Variants in ATXN7L1 observed in about 807,000 individuals in gnomAD.
The protein encoded by ATXN7L1 is ataxin 7 like 1.
In ATXN7L1, 15 loss-of-function variants were observed where a neutral mutation model predicts 70.8. The observed-to-expected ratio is 0.21, with a 90% CI of 0.14 to 0.33. The LOEUF (loss-of-function observed/expected upper bound fraction) is 0.33. Ranked by LOEUF, ATXN7L1 falls within the 10% of genes least tolerant of loss-of-function variation. The pLI, the probability that ATXN7L1 is intolerant of heterozygous loss-of-function variation, is 1.00. For missense variants in ATXN7L1, 975 were observed against 1,097.1 expected (o/e 0.89, Z 1.57); for synonymous variants, 440 against 445.1 (o/e 0.99, Z 0.14).
intron 7 of ATXN7L1, among the ~76,000 whole-genome samples, chr7:105,627,675 G>A (rs892119105): frequency 2.0e-5 from 3 of 151,856 alleles, no homozygotes; most frequent in Admixed American, 6.6e-5. Context: ...GGGACTACAG[G>A]TGTGCGCCAA....
chr7:105,709,847 C>T (rs1793658191), intron 3 of ATXN7L1, among the ~76,000 whole-genome samples: 1 of 151,864 alleles, frequency 6.6e-6, no homozygotes, highest in Non-Finnish European at 1.5e-5. Context: ...CTGGTTTCCC[C>T]ATACCCAAAT....
chr7:105,776,059 TCCGAGATGA>T lies in ATXN7L1; in HGVS notation c.355+12536_355+12544del, dbSNP rs1342774536. Among the ~76,000 whole-genome samples the T allele has an allele frequency of 3.3e-5, 5 of 152,306 alleles. No homozygotes were observed. In the East Asian group the frequency reaches 9.6e-4, roughly 29 times the overall value. On this transcript the variant is annotated intron_variant, in intron 3 of 11. Coordinates refer to ENST00000419735, the MANE Select transcript of ATXN7L1 (RefSeq NM_020725.2). ...GCTTATGGCTCAGGATAGGGAGAAT[TCCGAGATGA>T]CCTTTTGAATCAGCGCTGCTAACAT... is the stretch of plus-strand genomic sequence containing the variant.
At chr7:105,723,930 A>G (rs897178222) in intron 3 of ATXN7L1, among the ~76,000 whole-genome samples, 1 of 152,204 alleles carries the variant, frequency 6.6e-6, no homozygotes, top group Non-Finnish European at 1.5e-5. Context: ...ATGCTTGCTG[A>G]AAAGTCTGGA....
rs75605375 is a variant in ATXN7L1, at chr7:105,681,332, G to A, written c.356-16044C>T. Among the ~76,000 whole-genome samples the A allele has an allele frequency of 3.9e-3, 601 of 152,254 alleles. 3 individuals carry two copies. Among genetic ancestry groups the A allele is most frequent in the Admixed American group, 0.01 (157 of 15,296 alleles). On this transcript the variant is annotated intron_variant, in intron 3 of 11. Coordinates refer to ENST00000419735, the MANE Select transcript of ATXN7L1 (RefSeq NM_020725.2). ...TCCAGTCACCAGTCATTAGGGAAAC[G>A]CAGATCGAAATCACAGTGAGGTATC...
intron 2 of ATXN7L1, among the ~76,000 whole-genome samples, chr7:105,828,223 T>C (rs572876690): frequency 1.8e-4 from 27 of 152,160 alleles, no homozygotes; most frequent in Admixed American, 2.6e-4. Flanking sequence ...CAGTTTAGGA[T>C]TGGGGTTTAG....
At chr7:105,821,120 A>G (rs922678406) in intron 2 of ATXN7L1, among the ~76,000 whole-genome samples, 1 of 151,978 alleles carries the variant, frequency 6.6e-6, no homozygotes, top group Non-Finnish European at 1.5e-5. Context: ...GTTCAATGCA[A>G]CCTCTGCCTC....
At chr7:105,826,028 T>C (rs1421610632) in intron 2 of ATXN7L1, among the ~76,000 whole-genome samples, 1 of 151,952 alleles carries the variant, frequency 6.6e-6, no homozygotes, top group Non-Finnish European at 1.5e-5. Flanking sequence ...CTAAAACCAA[T>C]AAATGAAGAA....
intron 9 of ATXN7L1, chr7:105,618,196 A>C (rs568060946): frequency 2.6e-6 from 1 of 383,826 alleles, no homozygotes; most frequent in Admixed American, 3.0e-5. Flanking sequence ...TGACACTTCC[A>C]TAACACAGGG....
At chr7:105,644,318 A>G (rs1233186551) in intron 4 of ATXN7L1, among the ~76,000 whole-genome samples, 1 of 152,178 alleles carries the variant, frequency 6.6e-6, no homozygotes, top group Non-Finnish European at 1.5e-5. Context: ...TGACTCTGAA[A>G]TAGGATCCCA....
intron 4 of ATXN7L1, among the ~76,000 whole-genome samples, chr7:105,662,512 A>G (rs1463232061): frequency 6.6e-6 from 1 of 152,100 alleles, no homozygotes; most frequent in Admixed American, 6.5e-5. Context: ...GATTTGAACC[A>G]ATGGTCTCCC....
chr7:105,623,639 G>A (rs994537965), intron 8 of ATXN7L1, among the ~76,000 whole-genome samples: 1 of 152,170 alleles, frequency 6.6e-6, no homozygotes, highest in African/African-American at 2.4e-5. Flanking sequence ...ATACCAACAA[G>A]GGCTGGCCCC....
At chr7:105,654,144 A>G (rs1399861531) in intron 4 of ATXN7L1, among the ~76,000 whole-genome samples, 2 of 152,252 alleles carry the variant, frequency 1.3e-5, no homozygotes, top group Non-Finnish European at 2.9e-5. Flanking sequence ...TGATGAATGA[A>G]TTAATGTTCT....
At chr7:105,722,327 C>G (rs1290445808) in intron 3 of ATXN7L1, among the ~76,000 whole-genome samples, 1 of 151,950 alleles carries the variant, frequency 6.6e-6, no homozygotes, top group African/African-American at 2.4e-5. Context: ...CTTTGGAGGC[C>G]AAGGCAGGCA....
At chr7:105,636,447 G>GCC (rs11433155) in intron 7 of ATXN7L1, among the ~76,000 whole-genome samples, 66 of 139,508 alleles carry the variant, frequency 4.7e-4, no homozygotes, top group South Asian at 3.4e-3. Context: ...GTGTTCCTCT[G>GCC]CCCCCCCCAC....
chr7:105,722,088 T>G (rs1290099002), intron 3 of ATXN7L1, among the ~76,000 whole-genome samples: 1 of 152,208 alleles, frequency 6.6e-6, no homozygotes, highest in Non-Finnish European at 1.5e-5. Context: ...TTACTGGTAG[T>G]GGTAACTTTA....
intron 2 of ATXN7L1, among the ~76,000 whole-genome samples, chr7:105,850,616 C>G (rs1297406112): frequency 6.6e-6 from 1 of 152,240 alleles, no homozygotes; most frequent in Non-Finnish European, 1.5e-5. Flanking sequence ...TAGCACTGAT[C>G]CCTGTGCCTC....
intron 3 of ATXN7L1, chr7:105,677,984 C>T (rs753966311): frequency 3.2e-5 from 32 of 985,266 alleles, no homozygotes; most frequent in Admixed American, 2.5e-4. Flanking sequence ...CCACTAATAA[C>T]GGAACCATTT....
At chr7:105,609,045 T>C (rs569869514) in intron 11 of ATXN7L1, among the ~76,000 whole-genome samples, 1 of 152,274 alleles carries the variant, frequency 6.6e-6, no homozygotes, top group South Asian at 2.1e-4. Flanking sequence ...TACATCAAGT[T>C]TATAAAAACT....
intron 3 of ATXN7L1, among the ~76,000 whole-genome samples, chr7:105,781,636 T>C (rs1248659357): frequency 6.6e-6 from 1 of 151,954 alleles, no homozygotes; most frequent in Non-Finnish European, 1.5e-5. Flanking sequence ...CTGTAGCTTA[T>C]CCCTCAGTTA....
Sources: allele counts gnomAD v4.1 joint callset (sites outside exome capture counted in the v4.1 genomes callset), GRCh38; gene constraint gnomAD v4.1.1; transcripts MANE v1.5; gene names NCBI Gene and HGNC (gene_info 2026-07-23, HGNC 2026-07-21).